Variants in MUSK observed in about 807,000 individuals in gnomAD.
MUSK encodes muscle associated receptor tyrosine kinase.
In MUSK, 55 loss-of-function variants were observed where a neutral mutation model predicts 88.7. That is an observed-to-expected ratio of 0.62 (90% CI 0.50 to 0.78). The LOEUF (loss-of-function observed/expected upper bound fraction) is 0.78, where lower values mean the gene tolerates loss of function less well. MUSK is among the 30% of genes least tolerant of loss of function. The pLI, the probability that MUSK is intolerant of heterozygous loss-of-function variation, is 0.00. For synonymous variants in MUSK, 387 were observed against 391.9 expected (o/e 0.99, Z 0.15); for missense variants, 1,015 against 1,074.3 (o/e 0.94, Z 0.77).
chr9:110,679,557 G>A (rs892436672), intron 1 of MUSK, among the ~76,000 whole-genome samples: 1 of 151,822 alleles, frequency 6.6e-6, no homozygotes, highest in Non-Finnish European at 1.5e-5. Flanking sequence ...TGGTATATTT[G>A]GACTTGTTTC....
At chr9:110,689,538 T>TATAGTTATAC (rs2076261209) in intron 3 of MUSK, among the ~76,000 whole-genome samples, 1 of 106,842 alleles carries the variant, frequency 9.4e-6, no homozygotes, top group Non-Finnish European at 1.7e-5. Flanking sequence ...TATATAAATA[T>TATAGTTATAC]ATAGTTATAT....
chr9:110,767,599 G>T (rs575818064), intron 8 of MUSK, among the ~76,000 whole-genome samples: 1 of 151,990 alleles, frequency 6.6e-6, no homozygotes, highest in African/African-American at 2.4e-5. Flanking sequence ...CACATCTATC[G>T]TCACATTTGG....
At chr9:110,730,558 G>A (rs900441964) in intron 5 of MUSK, among the ~76,000 whole-genome samples, 27 of 152,128 alleles carry the variant, frequency 1.8e-4, no homozygotes, top group African/African-American at 6.3e-4. Flanking sequence ...TTCAGATTGT[G>A]ACTACCACTG....
chr9:110,764,404 G>T (rs1178304990), intron 8 of MUSK, among the ~76,000 whole-genome samples: 1 of 152,134 alleles, frequency 6.6e-6, no homozygotes, highest in Non-Finnish European at 1.5e-5. Flanking sequence ...TGAAGTGATA[G>T]ATTTAGGGGT....
At chr9:110,691,828 A>G (rs2076359995) in intron 3 of MUSK, among the ~76,000 whole-genome samples, 1 of 152,106 alleles carries the variant, frequency 6.6e-6, no homozygotes, top group Admixed American at 6.6e-5. Context: ...GAGTGTGAAG[A>G]TGTAAAATAT....
chr9:110,785,801 T>G lies in MUSK; in HGVS notation c.1778+83T>G, dbSNP rs2077847508. 3 of 885,248 alleles carry G rather than the reference T, an allele frequency of 3.4e-6. No homozygotes were observed. The African/African-American group carries it at 5.3e-5, about 16-fold the overall frequency. 54.8% of individuals were successfully genotyped at this position (885,248 alleles called of 1,614,324 possible). ...CCAAACTATTAGCTTGGTATATATA[T>G]AATATTAGCTTTATATATATATACA... On this transcript the variant is annotated intron_variant, in intron 13 of 14. Coordinates refer to ENST00000374448, the MANE Select transcript of MUSK (RefSeq NM_005592.4).
chr9:110,717,760 A>G (rs186932303), intron 5 of MUSK, among the ~76,000 whole-genome samples: 2 of 137,672 alleles, frequency 1.5e-5, no homozygotes, highest in East Asian at 2.0e-4. Context: ...GTGTTGTCCT[A>G]TGTCTTCTTA....
At chr9:110,723,784 G>A in intron 5 of MUSK, among the ~76,000 whole-genome samples, 1 of 151,982 alleles carries the variant, frequency 6.6e-6, no homozygotes, top group Non-Finnish European at 1.5e-5. Context: ...TGAATTTCGA[G>A]TTTTAAAAGC....
intron 1 of MUSK, among the ~76,000 whole-genome samples, chr9:110,676,343 C>CATATATTATATATTGTATATTATATATT (rs2076028337): frequency 8.9e-6 from 1 of 112,742 alleles, no homozygotes; most frequent in Non-Finnish European, 2.0e-5. Flanking sequence ...CATACACACA[C>CATATATTATATATTGTATATTATATATT]ATATATTATA....
At chr9:110,705,482 G>C (rs762858338) in intron 5 of MUSK, among the ~76,000 whole-genome samples, 1 of 152,196 alleles carries the variant, frequency 6.6e-6, no homozygotes, top group Non-Finnish European at 1.5e-5. Context: ...AGCTGCTGCT[G>C]AAGTCTCCAC....
chr9:110,697,256 T>G, intron 4 of MUSK, 69 bp from the exon 5 acceptor site: 4 of 1,518,508 alleles, frequency 2.6e-6, no homozygotes, highest in Non-Finnish European at 3.6e-6. Flanking sequence ...AATAAGTTGA[T>G]GATATTTGGC....
At position 110,687,225 on chromosome 9, in the gene MUSK, G is replaced by A. The variant is rs751133130; in HGVS notation, c.315G>A (p.Val105=). ...GIYCCTANNG[V]GGAVESCGAL... ...ACTGCTGCACGGCCAACAATGGTGT[G>A]GGAGGAGCTGTGGAGAGTTGTGGAG... Residue 105 remains valine, a synonymous_variant, in exon 3 of 15, where the codon GTG becomes GTA. Transcript: ENST00000374448. 3.7e-6 allele frequency: 6 copies of A among 1,613,918 alleles called. No individual in the cohort carries two copies. Among genetic ancestry groups the A allele is most frequent in the Middle Eastern group, 1.7e-4 (1 of 6,058 alleles).
At chr9:110,710,125 T>A (rs2076649430) in intron 5 of MUSK, among the ~76,000 whole-genome samples, 1 of 152,242 alleles carries the variant, frequency 6.6e-6, no homozygotes, top group Non-Finnish European at 1.5e-5. Flanking sequence ...TTATTCCTAG[T>A]CTAGGACATG....
intron 1 of MUSK, among the ~76,000 whole-genome samples, chr9:110,680,383 C>CTT (rs11461650): frequency 5.3e-4 from 75 of 141,604 alleles, no homozygotes; most frequent in African/African-American, 5.7e-4. Flanking sequence ...TTCTTTTTTT[C>CTT]TTTTTTTTTT....
At chr9:110,711,309 A>T (rs969707553) in intron 5 of MUSK, among the ~76,000 whole-genome samples, 2 of 152,178 alleles carry the variant, frequency 1.3e-5, no homozygotes, top group Non-Finnish European at 2.9e-5. Flanking sequence ...GCTGCAGAGG[A>T]GCTTCCTGCC....
chr9:110,754,542 C>A (rs941937120), intron 7 of MUSK, among the ~76,000 whole-genome samples: 1 of 152,124 alleles, frequency 6.6e-6, no homozygotes, highest in Non-Finnish European at 1.5e-5. Flanking sequence ...AGCTCATTAT[C>A]CCCTCCCAGG....
At chr9:110,779,922 T>C (rs933434252) in intron 11 of MUSK, among the ~76,000 whole-genome samples, 8 of 152,176 alleles carry the variant, frequency 5.3e-5, no homozygotes, top group African/African-American at 1.9e-4. Context: ...AATGTCACTC[T>C]TGTCTTGTTT....
At chr9:110,744,362 T>C (rs1485974033) in intron 6 of MUSK, among the ~76,000 whole-genome samples, 6 of 152,204 alleles carry the variant, frequency 3.9e-5, no homozygotes, top group African/African-American at 1.2e-4. Context: ...TTCAGAGGTC[T>C]TCCCTAGCTA....
chr9:110,749,886 A>T (rs1346667708), intron 7 of MUSK, among the ~76,000 whole-genome samples: 2 of 152,192 alleles, frequency 1.3e-5, no homozygotes, highest in Admixed American at 1.3e-4. Context: ...TATGAACAGG[A>T]GAAGGTCCAG....
Sources: gnomAD v4.1 joint callset for allele counts (sites outside exome capture counted in the v4.1 genomes callset) on GRCh38, gnomAD v4.1.1 for gene constraint, MANE v1.5 for transcripts, NCBI Gene and HGNC (gene_info 2026-07-23, HGNC 2026-07-21) for gene names.